Variants in NUP210 observed in about 807,000 individuals in gnomAD.
NUP210 encodes the protein nuclear pore membrane glycoprotein 210.
NUP210 carries 151 observed loss-of-function variants against 196.0 expected under a neutral mutation model. That is an observed-to-expected ratio of 0.77 (90% CI 0.67 to 0.88). NUP210 has a LOEUF of 0.88. Among genes scored for constraint, NUP210 ranks in the 40% least tolerant of loss-of-function variants. The pLI is 0.00. For missense variants in NUP210, 2,314 were observed against 2,493.7 expected, an observed-to-expected ratio of 0.93 and a Z score of 1.53; for synonymous variants, 1,070 against 1,052.7, an observed-to-expected ratio of 1.02 and a Z score of -0.32.
chr3:13,376,339 C>T lies in NUP210; in HGVS notation c.1245G>A (p.Lys415=). ...NGSYHRIRAL[K]RGQTAIDAAL... is the part of the protein sequence containing the mutation. ...CCGCGTCAATGGCCGTCTGTCCCCT[C>T]TTTAGTGCCCTGATGCGATGGTATG... is the stretch of plus-strand genomic sequence containing the variant. Residue 415 remains lysine, a synonymous_variant, in exon 10 of 40, where the codon AAG becomes AAA. Transcript: ENST00000254508. The T allele has an allele frequency of 6.2e-7, 1 of 1,614,234 alleles. No individual in the cohort carries two copies. Among genetic ancestry groups the T allele is most frequent in the Non-Finnish European group, 8.5e-7 (1 of 1,180,032 alleles).
chr3:13,370,421 C>CAGCA (rs547846564), intron 13 of NUP210, among the ~76,000 whole-genome samples: 74 of 152,354 alleles, frequency 4.9e-4, no homozygotes, highest in African/African-American at 1.7e-3. Flanking sequence ...AGAGGCTAGG[C>CAGCA]AGCACACCAG....
chr3:13,322,272 C>T lies in NUP210; in HGVS notation c.4836G>A (p.Gln1612=), dbSNP rs1437026299. ...ALHPETLISC[Q]SQFKPAVFDF... is the part of the protein sequence containing the mutation. Reference sequence around the variant, plus strand: ...CAAAGACGGCCGGCTTGAACTGGGACTGGCAGCTGATGAGGGTCTCTGGGT... The same window carrying T: ...CAAAGACGGCCGGCTTGAACTGGGATTGGCAGCTGATGAGGGTCTCTGGGT... The change falls in exon 35 of 40, where the codon CAG becomes CAA. Residue 1612 remains glutamine, a synonymous_variant. Transcript: ENST00000254508. 6.2e-7 allele frequency: 1 copy of T among 1,614,094 alleles called. No homozygotes were observed. Among genetic ancestry groups the T allele is most frequent in the Non-Finnish European group, 8.5e-7 (1 of 1,180,038 alleles).
intron 1 of NUP210, among the ~76,000 whole-genome samples, chr3:13,412,236 T>TC (rs1206680929): frequency 3.1e-5 from 4 of 129,334 alleles, no homozygotes; most frequent in African/African-American, 1.5e-4. Context: ...CTTTTCTTTT[T>TC]TTTTTTTTTT....
chr3:13,388,304 T>C lies in NUP210; in HGVS notation c.683A>G (p.Lys228Arg). The change falls in exon 5 of 40, where the codon AAG (lysine) becomes AGG (arginine). Residue 228 changes from lysine to arginine, a missense_variant and splice_region_variant. Physicochemically the swap from Lys to Arg is conservative, Grantham distance 26. Transcript: ENST00000254508. ...GACACCCCAGCGCCCCAGGCCCACCTTGTAGACAGCCTCCTGGATGCGAGC... is the reference window on the plus strand; with the variant it reads ...GACACCCCAGCGCCCCAGGCCCACCCTGTAGACAGCCTCCTGGATGCGAGC... ...LKARIQEAVYKNVRPAEVRLL... is the reference protein window; with the variant it reads ...LKARIQEAVYRNVRPAEVRLL... 6.2e-7 allele frequency: 1 copy of C among 1,604,482 alleles called. No homozygotes were observed. Among genetic ancestry groups the C allele is most frequent in the Non-Finnish European group, 8.5e-7 (1 of 1,175,930 alleles).
At chr3:13,321,443 AC>A in intron 36 of NUP210, 141 bp downstream of exon 36, 1 of 841,752 alleles carries the variant, frequency 1.2e-6, no homozygotes, top group Non-Finnish European at 1.8e-6. Context: ...AGAAAAGAGT[AC>A]TTCAATTTAA....
intron 1 of NUP210, among the ~76,000 whole-genome samples, chr3:13,406,777 C>T: frequency 6.6e-6 from 1 of 152,210 alleles, no homozygotes; most frequent in East Asian, 1.9e-4. Flanking sequence ...TTCTTCTCTG[C>T]ACCTCAGCAG....
At position 13,341,825 on chromosome 3, in the gene NUP210, T is replaced by C; in HGVS notation, c.3151A>G (p.Ile1051Val). Reference sequence around the variant, plus strand: ...CTTGCAGTTAGACTGGTCTGGCCGATGGCCACACCGCGGATGAGGAATGTG... The same window carrying C: ...CTTGCAGTTAGACTGGTCTGGCCGACGGCCACACCGCGGATGAGGAATGTG... ...TITFLIRGVA[I>V]GQTSLTASVT... Residue 1051 changes from isoleucine (I) to valine (V), a missense_variant, in exon 23 of 40, where the codon ATC becomes GTC. Coordinates refer to ENST00000254508, the MANE Select transcript of NUP210 (RefSeq NM_024923.4). 1 of 1,614,138 alleles carries C rather than the reference T, an allele frequency of 6.2e-7. No homozygotes were observed. The highest frequency in any genetic ancestry group is 8.5e-7 in the Non-Finnish European group (1 of 1,179,972).
chr3:13,401,392 G>C (rs111618504), intron 1 of NUP210, among the ~76,000 whole-genome samples: 2,099 of 151,808 alleles, frequency 0.014, 53 homozygotes, highest in African/African-American at 0.048. Flanking sequence ...TGAGCATGCC[G>C]ACCACTCCGA....
chr3:13,366,114 T>C (rs1398998749), intron 13 of NUP210, 23 bp from the exon 14 acceptor site: 3 of 1,605,148 alleles, frequency 1.9e-6, no homozygotes, highest in Non-Finnish European at 2.6e-6. Flanking sequence ...GAGAACTAGA[T>C]GGTCACCCTG....
At chr3:13,333,293 C>T (rs2124847176) in intron 28 of NUP210, among the ~76,000 whole-genome samples, 1 of 152,362 alleles carries the variant, frequency 6.6e-6, no homozygotes, top group South Asian at 2.1e-4. Flanking sequence ...CTCTCTCAGG[C>T]CCCTCAGGGC....
chr3:13,375,762 G>T, intron 10 of NUP210, 121 bp from the exon 11 acceptor site: 1 of 1,084,104 alleles, frequency 9.2e-7, no homozygotes, highest in Non-Finnish European at 1.3e-6. Context: ...TGGGGGAAGA[G>T]TGGAGAGGAA....
rs753110163 is a variant in NUP210 at position 13,321,797 on chromosome 3, C to G, written c.4954G>C (p.Asp1652His). Residue 1652 changes from aspartate (D) to histidine (H), a missense_variant, in exon 36 of 40, where the codon GAC becomes CAC. Coordinates refer to ENST00000254508, the MANE Select transcript of NUP210 (RefSeq NM_024923.4). ...ATGCTCAGGTGCTTCCGCTGCTTGTCCGTCAGCCTGTGCATTGTGATTGAG... is the reference window on the plus strand; with the variant it reads ...ATGCTCAGGTGCTTCCGCTGCTTGTGCGTCAGCCTGTGCATTGTGATTGAG... Reference protein sequence around the residue: ...FCSITMHRLTDKQRKHLSMKK... With the variant: ...FCSITMHRLTHKQRKHLSMKK... 1.9e-6 allele frequency: 3 copies of G among 1,610,120 alleles called. No homozygotes were observed. The highest frequency in any genetic ancestry group is 2.2e-5 in the East Asian group (1 of 44,874).
chr3:13,373,035 G>A lies in NUP210; in HGVS notation c.1587+683C>T, dbSNP rs781654181. Reference sequence around the variant, plus strand: ...TAGAGGTGGCTCTGGGTCTCAAGCGGAAGACTGGCCAGCCTATCCATCCCT... The same window carrying A: ...TAGAGGTGGCTCTGGGTCTCAAGCGAAAGACTGGCCAGCCTATCCATCCCT... On this transcript the variant is annotated intron_variant, in intron 12 of 39. Transcript: ENST00000254508. Among the ~76,000 whole-genome samples, 95 of 152,288 alleles carry A rather than the reference G, an allele frequency of 6.2e-4. 1 individual carries two copies. The highest frequency in any genetic ancestry group is 4.8e-3 in the Admixed American group (73 of 15,298).
Position 13,348,916 on chromosome 3 carries a change from A to G in NUP210, c.2835+2963T>C. The G allele has an allele frequency of 3.0e-6, 3 of 985,058 alleles. No individual in the cohort carries two copies. The highest frequency in any genetic ancestry group is 3.6e-6 in the Non-Finnish European group (3 of 829,592). 61.0% of individuals were successfully genotyped at this position (985,058 alleles called of 1,614,324 possible). A position where few individuals can be genotyped will look rare whatever the true frequency, so the allele number is the denominator to read the frequency against. ...AACTGAATTAAAAAACTTATTAAAC[A>G]GGGGGTGTTTCACACAAAAATAGAG... On this transcript the variant is annotated intron_variant, in intron 20 of 39. Coordinates refer to ENST00000254508, the MANE Select transcript of NUP210 (RefSeq NM_024923.4). The surrounding 1 kb of genome is among the most constrained non-coding windows in gnomAD (Gnocchi z 4.0).
At position 13,322,219 on chromosome 3, in the gene NUP210, A is replaced by G; in HGVS notation, c.4889T>C (p.Val1630Ala). ...GAGAGCAGTGTCAAACTGTGGCTCC[A>G]CGGTGAACACATCTTGAGATGGGAA... Reference protein sequence around the residue: ...FDFPSQDVFTVEPQFDTALGQ... With the variant: ...FDFPSQDVFTAEPQFDTALGQ... Residue 1630 changes from valine (V) to alanine (A), a missense_variant, in exon 35 of 40, where the codon GTG (valine) becomes GCG (alanine). By Grantham distance (64) the Val-to-Ala change is moderately conservative (BLOSUM62 0). Transcript: ENST00000254508. The G allele has an allele frequency of 6.2e-7, 1 of 1,614,258 alleles. No individual in the cohort carries two copies. The highest frequency in any genetic ancestry group is 2.2e-5 in the East Asian group (1 of 44,888).
At chr3:13,415,773 C>T (rs1434437515) in intron 1 of NUP210, among the ~76,000 whole-genome samples, 4 of 152,146 alleles carry the variant, frequency 2.6e-5, no homozygotes, top group South Asian at 2.1e-4. Flanking sequence ...CTGACGTGCC[C>T]GTCCCAGAGG....
chr3:13,397,315 A>T (rs1406396882), intron 3 of NUP210, 42 bp downstream of exon 3: 1 of 1,595,100 alleles, frequency 6.3e-7, no homozygotes, highest in Non-Finnish European at 8.5e-7. Context: ...GGGATGATCT[A>T]GCATGGGCTG....
intron 27 of NUP210, 120 bp from the exon 28 acceptor site, chr3:13,335,732 G>A: frequency 1.8e-6 from 2 of 1,112,412 alleles, no homozygotes; most frequent in Non-Finnish European, 2.6e-6. Flanking sequence ...CTGCTGGCCT[G>A]TTCTCAAGGG....
At chr3:13,369,307 C>A (rs1197889175) in intron 13 of NUP210, among the ~76,000 whole-genome samples, 1 of 152,166 alleles carries the variant, frequency 6.6e-6, no homozygotes, top group Non-Finnish European at 1.5e-5. Context: ...CGTAGGAGTT[C>A]TTTACATATC....
Sources: allele counts gnomAD v4.1 joint callset (sites outside exome capture counted in the v4.1 genomes callset), GRCh38; gene constraint gnomAD v4.1.1; non-coding constraint Gnocchi (gnomAD v3.1); transcripts MANE v1.5; gene names NCBI Gene and HGNC (gene_info 2026-07-23, HGNC 2026-07-21).